Variants in KCNQ3 observed in about 807,000 individuals in gnomAD.
KCNQ3 encodes potassium voltage-gated channel subfamily KQT member 3.
A neutral mutation model predicts 92.5 loss-of-function variants in KCNQ3; 30 were observed. The observed-to-expected ratio is 0.32, with a 90% CI of 0.24 to 0.44. The LOEUF (loss-of-function observed/expected upper bound fraction) is 0.44, where lower values mean the gene tolerates loss of function less well. Among genes scored for constraint, KCNQ3 ranks in the 20% least tolerant of loss-of-function variants. The pLI, the probability that KCNQ3 is intolerant of heterozygous loss-of-function variation, is 1.00. For missense variants in KCNQ3, 913 were observed against 1,140.3 expected (o/e 0.80, Z 2.87); for synonymous variants, 450 against 468.8 (o/e 0.96, Z 0.52).
chr8:132,290,874 G>A (rs1816817236), intron 1 of KCNQ3, among the ~76,000 whole-genome samples: 1 of 152,170 alleles, frequency 6.6e-6, no homozygotes. Flanking sequence ...GCAGATGGGT[G>A]AGATTTCCTA....
intron 1 of KCNQ3, among the ~76,000 whole-genome samples, chr8:132,474,472 G>A (rs1217843740): frequency 6.6e-6 from 1 of 152,148 alleles, no homozygotes; most frequent in Non-Finnish European, 1.5e-5. Flanking sequence ...CCTCACTCAA[G>A]TTAAAGCATG....
intron 1 of KCNQ3, among the ~76,000 whole-genome samples, chr8:132,378,568 G>C (rs1366712517): frequency 6.6e-6 from 1 of 152,126 alleles, no homozygotes; most frequent in Non-Finnish European, 1.5e-5. Context: ...TACTAAGACA[G>C]ATACTCTTGC....
At chr8:132,211,918 A>G (rs1002919049) in intron 1 of KCNQ3, among the ~76,000 whole-genome samples, 1 of 146,442 alleles carries the variant, frequency 6.8e-6, no homozygotes, top group Admixed American at 7.1e-5. Context: ...ATGCCACTGC[A>G]CTCCAGCCTG....
intron 1 of KCNQ3, among the ~76,000 whole-genome samples, chr8:132,227,060 CTTTTTTTTTT>C (rs923601765): frequency 3.6e-5 from 3 of 82,542 alleles, no homozygotes; most frequent in Non-Finnish European, 7.4e-5. Context: ...ATATCTCACT[CTTTTTTTTTT>C]TTTTTTTTTT....
At chr8:132,212,704 C>CA (rs1813897773) in intron 1 of KCNQ3, among the ~76,000 whole-genome samples, 1 of 152,188 alleles carries the variant, frequency 6.6e-6, no homozygotes, top group Admixed American at 6.5e-5. Context: ...ATGCTTCAGT[C>CA]ATTCAGCTGC....
rs1333688795 is a variant in KCNQ3 at position 132,372,541 on chromosome 8, AG to A, written c.386+107605del. ...GAGGCCGAGGCTGGTGGATCACTTGAGGTCAGGAGTTCAAGACCAGCCTGAC... is the reference window on the plus strand; with the variant it reads ...GAGGCCGAGGCTGGTGGATCACTTGAGTCAGGAGTTCAAGACCAGCCTGAC... On this transcript the variant is annotated intron_variant, in intron 1 of 14. Coordinates refer to ENST00000388996, the MANE Select transcript of KCNQ3 (RefSeq NM_004519.4). Among the ~76,000 whole-genome samples, 79 of 152,162 alleles carry A rather than the reference AG, an allele frequency of 5.2e-4. 1 individual carries two copies. The highest frequency in any genetic ancestry group is 1.5e-4 in the Non-Finnish European group (10 of 68,014).
intron 8 of KCNQ3, among the ~76,000 whole-genome samples, chr8:132,170,030 G>A (rs3779973): frequency 0.38 from 56,902 of 151,546 alleles, 11,230 homozygotes; most frequent in East Asian, 0.47. Flanking sequence ...ACACCACCAC[G>A]CCCGGCTAAT....
intron 1 of KCNQ3, among the ~76,000 whole-genome samples, chr8:132,364,678 C>CAGATGGAT (rs1486708564): frequency 2.4e-5 from 3 of 123,636 alleles, no homozygotes; most frequent in African/African-American, 1.1e-4. Flanking sequence ...GATGGACGGA[C>CAGATGGAT]GGACGGACGG....
At chr8:132,359,216 A>T (rs1819098320) in intron 1 of KCNQ3, among the ~76,000 whole-genome samples, 1 of 152,224 alleles carries the variant, frequency 6.6e-6, no homozygotes, top group Admixed American at 6.5e-5. Flanking sequence ...CCATTTAAAA[A>T]ACAGGAAAAT....
chr8:132,199,046 C>T (rs1827383321), intron 1 of KCNQ3, among the ~76,000 whole-genome samples: 2 of 152,104 alleles, frequency 1.3e-5, no homozygotes, highest in Admixed American at 1.3e-4. Context: ...ATACACCATT[C>T]AGTAGTACAA....
At chr8:132,401,438 C>T (rs541798071) in intron 1 of KCNQ3, among the ~76,000 whole-genome samples, 7 of 151,948 alleles carry the variant, frequency 4.6e-5, no homozygotes, top group East Asian at 1.9e-4. Flanking sequence ...TGCAGTGGCA[C>T]GATCTTGGCT....
intron 12 of KCNQ3, among the ~76,000 whole-genome samples, chr8:132,135,887 G>A (rs1466925915): frequency 6.6e-6 from 1 of 151,874 alleles, no homozygotes; most frequent in East Asian, 1.9e-4. Flanking sequence ...CCAGCAGTTT[G>A]GGAGGCTGAA....
intron 4 of KCNQ3, among the ~76,000 whole-genome samples, chr8:132,178,148 G>T (rs1826630464): frequency 6.6e-6 from 1 of 152,234 alleles, no homozygotes; most frequent in Admixed American, 6.5e-5. Context: ...GCAATTTTTA[G>T]CACCAGTGTT....
At position 132,140,337 on chromosome 8, in the gene KCNQ3, C is replaced by T. The variant is rs1825246941; in HGVS notation, c.1466-159G>A. 6.7e-6 allele frequency: 4 copies of T among 595,632 alleles called. No homozygotes were observed. The South Asian group carries it at 8.2e-5, about 12-fold the overall frequency. 36.9% of individuals were successfully genotyped at this position (595,632 alleles called of 1,614,324 possible). A position where few individuals can be genotyped will look rare whatever the true frequency, so the allele number is the denominator to read the frequency against. On this transcript the variant is annotated intron_variant, in intron 10 of 14. Transcript: ENST00000388996. ...TCCACGGTATTCTCAAGCTGTGATG[C>T]TGTTCAGCCTTTCTTGGCACCCTCA...
chr8:132,279,365 AT>A (rs1370203211), intron 1 of KCNQ3, among the ~76,000 whole-genome samples: 1 of 152,192 alleles, frequency 6.6e-6, no homozygotes, highest in Non-Finnish European at 1.5e-5. Flanking sequence ...GGACCAGAGG[AT>A]CAACATTATG....
chr8:132,480,085 C>A lies in KCNQ3; in HGVS notation c.386+62G>T, dbSNP rs141219307. On this transcript the variant is annotated intron_variant, in intron 1 of 14. Transcript: ENST00000388996. Reference sequence around the variant, plus strand: ...AGCCCCAGAGACTTCTCAGCTCCAGCCCCGACCCCAAGTCCCCAAGCGCGC... The same window carrying A: ...AGCCCCAGAGACTTCTCAGCTCCAGACCCGACCCCAAGTCCCCAAGCGCGC... 1,530 of 1,518,936 alleles carry A rather than the reference C, an allele frequency of 1.0e-3. 11 individuals are homozygous for A. In the African/African-American group the frequency reaches 0.019, roughly 18 times the overall value. The allele number at this position is 1,518,936 out of a possible 1,614,324, so 94.1% of individuals were successfully genotyped here. A position where few individuals can be genotyped will look rare whatever the true frequency, so the allele number is the denominator to read the frequency against.
At chr8:132,150,671 C>T in intron 9 of KCNQ3, among the ~76,000 whole-genome samples, 1 of 151,878 alleles carries the variant, frequency 6.6e-6, no homozygotes, top group Admixed American at 6.6e-5. Context: ...TTTTGCCTTG[C>T]CACTTTTAAT....
chr8:132,473,340 T>A (rs919360092), intron 1 of KCNQ3, among the ~76,000 whole-genome samples: 1 of 152,170 alleles, frequency 6.6e-6, no homozygotes, highest in Non-Finnish European at 1.5e-5. Flanking sequence ...CAGTAATGAA[T>A]TACAGTTTAT....
intron 1 of KCNQ3, among the ~76,000 whole-genome samples, chr8:132,335,187 C>A (rs1055131766): frequency 2.0e-5 from 3 of 152,080 alleles, no homozygotes; most frequent in South Asian, 4.2e-4. Context: ...ACTACAGGTG[C>A]GTGCCACCAT....
Sources: gnomAD v4.1 joint callset for allele counts (sites outside exome capture counted in the v4.1 genomes callset) on GRCh38, gnomAD v4.1.1 for gene constraint, MANE v1.5 for transcripts, NCBI Gene and HGNC (gene_info 2026-07-23, HGNC 2026-07-21) for gene names.